PLA2G10: variants seen among roughly 807,000 people sequenced by gnomAD.
PLA2G10 encodes the protein phospholipase A2 group X, also known as group 10 secretory phospholipase A2.
Under a neutral mutation model 7.9 loss-of-function variants are expected in PLA2G10, and 9 were observed. The observed-to-expected ratio is 1.14, with a 90% CI of 0.68 to 1.98. The LOEUF is 1.98. Ranked by LOEUF, PLA2G10 falls within the 30% of genes most tolerant of loss-of-function variation. The pLI is 0.00. For synonymous variants in PLA2G10, 19 were observed against 27.5 expected (o/e 0.69, Z 0.97); for missense variants, 53 against 65.4 (o/e 0.81, Z 0.66).
chr16:14,677,600 C>A (rs969264988), intron 3 of PLA2G10, among the ~76,000 whole-genome samples: 3 of 152,144 alleles, frequency 2.0e-5, no homozygotes, highest in African/African-American at 4.8e-5. Context: ...CTCTTGACCT[C>A]GTGATCTGCC....
At chr16:14,685,250 T>C (rs1483380670) in intron 3 of PLA2G10, among the ~76,000 whole-genome samples, 1 of 151,540 alleles carries the variant, frequency 6.6e-6, no homozygotes, top group East Asian at 2.0e-4. Flanking sequence ...TGCACGTTTG[T>C]AATCCCAGCT....
chr16:14,701,623 A>G, the PLA2G10 span, among the ~76,000 whole-genome samples: 5 of 9,716 alleles, frequency 5.1e-4, no homozygotes, highest in African/African-American at 1.1e-3. Flanking sequence ...GTGGTGGCTC[A>G]TACCTGTAAT....
intron 3 of PLA2G10, among the ~76,000 whole-genome samples, chr16:14,679,591 C>A (rs913600901): frequency 4.0e-5 from 6 of 148,872 alleles, no homozygotes; most frequent in Non-Finnish European, 7.4e-5. Flanking sequence ...ACTCGGGAGA[C>A]GGAGGTTGCA....
intron 3 of PLA2G10, among the ~76,000 whole-genome samples, chr16:14,681,975 C>A (rs1258390208): frequency 6.6e-6 from 1 of 151,990 alleles, no homozygotes; most frequent in Admixed American, 6.6e-5. Flanking sequence ...AAGTCACTTA[C>A]TCTCCCTGAG....
At chr16:14,673,016 C>CTTTTTTT (rs1293093227) in intron 3 of PLA2G10, among the ~76,000 whole-genome samples, 15 of 128,562 alleles carry the variant, frequency 1.2e-4, no homozygotes, top group East Asian at 2.2e-4. Flanking sequence ...TTTTTCTTTT[C>CTTTTTTT]TTTTTTTTTT....
Position 14,683,381 on chromosome 16 carries a change from T to C in PLA2G10, c.355+4784A>G, listed in dbSNP as rs142628220. ...CTGAGTAGCTGGGACTACAGGAGCA[T>C]GCTGCCACACCCGCCTAATTTTTTT... is the stretch of plus-strand genomic sequence containing the variant. On this transcript the variant is annotated intron_variant, in intron 3 of 3. Transcript: ENST00000438167. Among the ~76,000 whole-genome samples, 157 of 151,734 alleles carry C rather than the reference T, an allele frequency of 1.0e-3. 1 individual carries two copies. Among genetic ancestry groups the C allele is most frequent in the African/African-American group, 3.5e-3 (143 of 41,430 alleles).
chr16:14,679,826 G>C (rs1296637985), intron 3 of PLA2G10, among the ~76,000 whole-genome samples: 1 of 151,994 alleles, frequency 6.6e-6, no homozygotes, highest in Non-Finnish European at 1.5e-5. Context: ...ACCCAGCCTG[G>C]GTGACAGATC....
At chr16:14,684,268 C>T (rs1194126372) in intron 3 of PLA2G10, among the ~76,000 whole-genome samples, 5 of 129,028 alleles carry the variant, frequency 3.9e-5, no homozygotes, top group African/African-American at 5.8e-5. Flanking sequence ...GTTCAGGAGG[C>T]GGAGGCTGAA....
Position 14,687,955 on chromosome 16 carries a change from C to T in PLA2G10, c.355+210G>A, listed in dbSNP as rs536253808. On this transcript the variant is annotated intron_variant, in intron 3 of 3. Coordinates refer to ENST00000438167, the MANE Select transcript of PLA2G10 (RefSeq NM_003561.3). ...CAGAGGTTGTAGTGAGCCAAGATCA[C>T]ATCAGCACACTCTAGCCTGGGTGAC... Among the ~76,000 whole-genome samples, 3 of 151,802 alleles carry T rather than the reference C, an allele frequency of 2.0e-5. No individual in the cohort carries two copies. The South Asian group carries it at 6.3e-4, about 32-fold the overall frequency.
chr16:14,679,761 G>C (rs542617218), intron 3 of PLA2G10, among the ~76,000 whole-genome samples: 2 of 152,010 alleles, frequency 1.3e-5, no homozygotes, highest in Non-Finnish European at 2.9e-5. Context: ...TGAGGCAGGA[G>C]AATCCCTTAA....
chr16:14,679,389 G>A (rs904305246), intron 3 of PLA2G10, among the ~76,000 whole-genome samples: 5 of 151,950 alleles, frequency 3.3e-5, no homozygotes, highest in Non-Finnish European at 7.4e-5. Context: ...CAGGCCGGGC[G>A]TGGTGCTCGT....
At chr16:14,676,486 C>T (rs562331357) in intron 3 of PLA2G10, among the ~76,000 whole-genome samples, 38 of 152,260 alleles carry the variant, frequency 2.5e-4, no homozygotes, top group Admixed American at 7.2e-4. Context: ...CAAGACCAGC[C>T]TCACCAATAT....
At chr16:14,686,058 T>A (rs1319473393) in intron 3 of PLA2G10, among the ~76,000 whole-genome samples, 1 of 143,660 alleles carries the variant, frequency 7.0e-6, no homozygotes, top group East Asian at 2.1e-4. Context: ...AGTGGTGCAA[T>A]CTTGGCTCAC....
chr16:14,675,235 T>A (rs1409947836), intron 3 of PLA2G10, among the ~76,000 whole-genome samples: 1 of 149,110 alleles, frequency 6.7e-6, no homozygotes, highest in Admixed American at 6.7e-5. Flanking sequence ...CAATAAATAG[T>A]ACTGGGAAAA....
chr16:14,685,169 C>G (rs1961017186), intron 3 of PLA2G10, among the ~76,000 whole-genome samples: 1 of 151,924 alleles, frequency 6.6e-6, no homozygotes, highest in Admixed American at 6.6e-5. Context: ...GTCAGGAGTT[C>G]AAGACCAGCC....
chr16:14,684,316 A>C (rs926745348), intron 3 of PLA2G10, among the ~76,000 whole-genome samples: 1 of 146,104 alleles, frequency 6.8e-6, no homozygotes, highest in Non-Finnish European at 1.5e-5. Flanking sequence ...CAGCCTGGAC[A>C]AAAAGAGTGA....
At chr16:14,683,695 ATTAGAG>A (rs1960961581) in intron 3 of PLA2G10, among the ~76,000 whole-genome samples, 1 of 152,194 alleles carries the variant, frequency 6.6e-6, no homozygotes, top group African/African-American at 2.4e-5. Flanking sequence ...TGACCTAAAT[ATTAGAG>A]TTAAATATGA....
rs1193156991 is a variant in PLA2G10, at chr16:14,683,902, G to A, written c.355+4263C>T. 2.6e-5 allele frequency among the ~76,000 whole-genome samples: 4 copies of A among 152,068 alleles called. No homozygotes were observed. In the East Asian group the frequency reaches 7.7e-4, roughly 29 times the overall value. ...ACTTACATAATGGGAGAAAATATTTGCAAATCACATATCGGGTAAGAGTCA... is the reference window on the plus strand; with the variant it reads ...ACTTACATAATGGGAGAAAATATTTACAAATCACATATCGGGTAAGAGTCA... On this transcript the variant is annotated intron_variant, in intron 3 of 3. Coordinates refer to ENST00000438167, the MANE Select transcript of PLA2G10 (RefSeq NM_003561.3).
intron 3 of PLA2G10, among the ~76,000 whole-genome samples, chr16:14,673,016 C>CTTTTTTTTTTT (rs1293093227): frequency 1.7e-4 from 22 of 128,562 alleles, no homozygotes; most frequent in Non-Finnish European, 2.2e-4. Context: ...TTTTTCTTTT[C>CTTTTTTTTTTT]TTTTTTTTTT....
Sources: gnomAD v4.1 joint callset for allele counts (sites outside exome capture counted in the v4.1 genomes callset) on GRCh38, gnomAD v4.1.1 for gene constraint, MANE v1.5 for transcripts, NCBI Gene and HGNC (gene_info 2026-07-23, HGNC 2026-07-21) for gene names.